The following CNTNAP2 variants were observed in gnomAD, a reference collection of about 807,000 sequenced individuals.
CNTNAP2 encodes contactin-associated protein-like 2.
In CNTNAP2, 98 loss-of-function variants were observed where a neutral mutation model predicts 155.2. That is an observed-to-expected ratio of 0.63 (90% CI 0.54 to 0.75). CNTNAP2 has a LOEUF of 0.75. Among genes scored for constraint, CNTNAP2 ranks in the 30% least tolerant of loss-of-function variants. The pLI is 0.00. For missense variants in CNTNAP2, 1,727 were observed against 1,688.1 expected (o/e 1.02, Z -0.40); for synonymous variants, 651 against 631.2 (o/e 1.03, Z -0.47).
intron 14 of CNTNAP2, among the ~76,000 whole-genome samples, chr7:147,945,399 A>G (rs966249553): frequency 7.2e-5 from 11 of 152,178 alleles, no homozygotes; most frequent in African/African-American, 2.4e-4. Context: ...CAAGTCTAAA[A>G]TGCAATAATT....
At chr7:147,973,160 T>TAAAAAAACAAAAAAAAAAAAA (rs1801364387) in intron 14 of CNTNAP2, among the ~76,000 whole-genome samples, 1 of 120,856 alleles carries the variant, frequency 8.3e-6, no homozygotes, top group African/African-American at 3.5e-5. Context: ...TCTCTAAAAT[T>TAAAAAAACAAAAAAAAAAAAA]AAAAAAAAAA....
intron 4 of CNTNAP2, among the ~76,000 whole-genome samples, chr7:147,078,546 G>A (rs1405065130): frequency 1.3e-4 from 19 of 151,726 alleles, no homozygotes; most frequent in Admixed American, 1.2e-3. Context: ...TATCACCTTG[G>A]TATTCTTTAT....
chr7:148,324,519 C>G (rs140132514), intron 21 of CNTNAP2, among the ~76,000 whole-genome samples: 1 of 152,138 alleles, frequency 6.6e-6, no homozygotes, highest in African/African-American at 2.4e-5. Flanking sequence ...GATCTGAGGT[C>G]GGGCGCAGCG....
chr7:147,543,123 C>T (rs1006962590), intron 11 of CNTNAP2, among the ~76,000 whole-genome samples: 3 of 152,184 alleles, frequency 2.0e-5, no homozygotes, highest in African/African-American at 7.2e-5. Flanking sequence ...TATTTATTAA[C>T]AGCAAACCAG....
At chr7:147,946,720 G>C (rs766410418) in intron 14 of CNTNAP2, among the ~76,000 whole-genome samples, 1 of 152,162 alleles carries the variant, frequency 6.6e-6, no homozygotes, top group Admixed American at 6.5e-5. Flanking sequence ...CAAGGCCACA[G>C]TGGGATATTC....
chr7:146,275,145 G>A (rs1279033508), intron 1 of CNTNAP2, among the ~76,000 whole-genome samples: 1 of 152,188 alleles, frequency 6.6e-6, no homozygotes, highest in Admixed American at 6.5e-5. Flanking sequence ...TCCATTGAAA[G>A]TCAATTCTCC....
chr7:146,603,648 A>C (rs113687792), intron 1 of CNTNAP2, among the ~76,000 whole-genome samples: 28 of 150,558 alleles, frequency 1.9e-4, no homozygotes, highest in African/African-American at 6.1e-4. Context: ...AAGCTGGAGG[A>C]ATCACACTAC....
chr7:148,415,438 T>C lies in CNTNAP2; in HGVS notation c.3818T>C (p.Phe1273Ser), dbSNP rs760993140. 1.2e-6 allele frequency: 2 copies of C among 1,614,040 alleles called. No homozygotes were observed. Among genetic ancestry groups the C allele is most frequent in the Admixed American group, 3.3e-5 (2 of 60,022 alleles). The change falls in exon 24 of 24, where the codon TTC becomes TCC. Residue 1273 changes from phenylalanine (F) to serine (S), a missense_variant. Transcript: ENST00000361727. ...TCAGGCGTCATTGCTGTGGTGATTT[T>C]CACCATCCTGTGCACCCTGGTCTTC... ...IIGGVIAVVI[F>S]TILCTLVFLI...
intron 13 of CNTNAP2, among the ~76,000 whole-genome samples, chr7:147,804,405 T>G (rs958254671): frequency 5.9e-5 from 9 of 152,090 alleles, no homozygotes; most frequent in Non-Finnish European, 8.8e-5. Context: ...CAGGGAGAGT[T>G]TACTCCACAA....
At chr7:147,050,704 T>C (rs1799457020) in intron 4 of CNTNAP2, among the ~76,000 whole-genome samples, 1 of 152,142 alleles carries the variant, frequency 6.6e-6, no homozygotes, top group Non-Finnish European at 1.5e-5. Flanking sequence ...CATGTACAGA[T>C]GTGTTAGTTT....
chr7:148,221,329 A>G (rs998186377), intron 19 of CNTNAP2, among the ~76,000 whole-genome samples: 2 of 152,182 alleles, frequency 1.3e-5, no homozygotes, highest in Non-Finnish European at 2.9e-5. Context: ...ACATGAGTGC[A>G]TGGAGGTTGA....
chr7:147,065,219 AT>A lies in CNTNAP2; in HGVS notation c.550+21168del, dbSNP rs1436208899. ...TAAGGTGAATGTGATAATAGCCGTT[AT>A]TTAATATTGTTAATTATTAATTGAA... On this transcript the variant is annotated intron_variant, in intron 4 of 23. Transcript: ENST00000361727. Among the ~76,000 whole-genome samples the A allele has an allele frequency of 2.6e-5, 4 of 152,272 alleles. No individual in the cohort carries two copies. The East Asian group carries it at 7.7e-4, about 29-fold the overall frequency.
chr7:146,699,800 T>C (rs1265078465), intron 1 of CNTNAP2, among the ~76,000 whole-genome samples: 2 of 152,010 alleles, frequency 1.3e-5, no homozygotes, highest in Non-Finnish European at 2.9e-5. Context: ...AAACCCCGTC[T>C]CTACTAAAAA....
chr7:146,783,144 G>C (rs1373096747), intron 2 of CNTNAP2, among the ~76,000 whole-genome samples: 2 of 152,126 alleles, frequency 1.3e-5, no homozygotes, highest in South Asian at 4.2e-4. Flanking sequence ...TTTAAGTGTT[G>C]TTTTGTTCTT....
chr7:146,726,731 A>G (rs1801437280), intron 1 of CNTNAP2, among the ~76,000 whole-genome samples: 1 of 152,148 alleles, frequency 6.6e-6, no homozygotes, highest in Non-Finnish European at 1.5e-5. Context: ...TGGTGTAAAG[A>G]GTAGTCTTGG....
intron 1 of CNTNAP2, among the ~76,000 whole-genome samples, chr7:146,148,338 T>G (rs572628977): frequency 6.6e-6 from 1 of 152,234 alleles, no homozygotes; most frequent in East Asian, 1.9e-4. Flanking sequence ...TTGAAAACTT[T>G]ACTGAAAACT....
intron 22 of CNTNAP2, among the ~76,000 whole-genome samples, chr7:148,400,331 G>C (rs1799555361): frequency 6.6e-6 from 1 of 152,168 alleles, no homozygotes; most frequent in Non-Finnish European, 1.5e-5. Flanking sequence ...TTCAGACCGG[G>C]GTTTAAATGG....
chr7:147,949,805 A>G (rs1461743771), intron 14 of CNTNAP2, among the ~76,000 whole-genome samples: 1 of 152,116 alleles, frequency 6.6e-6, no homozygotes, highest in African/African-American at 2.4e-5. Flanking sequence ...TGGATTGCTA[A>G]GAAGCTTCGA....
chr7:146,227,428 CAA>C (rs755623604), intron 1 of CNTNAP2, among the ~76,000 whole-genome samples: 10 of 58,720 alleles, frequency 1.7e-4, no homozygotes, highest in African/African-American at 3.0e-4. Context: ...CTGTCTCAAA[CAA>C]AAAAAAAAAA....
Sources: gnomAD v4.1 joint callset for allele counts (sites outside exome capture counted in the v4.1 genomes callset) on GRCh38, gnomAD v4.1.1 for gene constraint, MANE v1.5 for transcripts, NCBI Gene and HGNC (gene_info 2026-07-23, HGNC 2026-07-21) for gene names.